The following CACNB2 variants were observed in gnomAD, a reference collection of about 807,000 sequenced individuals.
The protein encoded by CACNB2 is voltage-dependent L-type calcium channel subunit beta-2.
A neutral mutation model predicts 73.3 loss-of-function variants in CACNB2; 42 were observed. The observed-to-expected ratio is 0.57, with a 90% CI of 0.45 to 0.74. The LOEUF (loss-of-function observed/expected upper bound fraction) is 0.74. Ranked by LOEUF, CACNB2 falls within the 30% of genes least tolerant of loss-of-function variation. CACNB2 has a pLI of 0.00. For missense variants in CACNB2, 940 were observed against 853.0 expected (o/e 1.10, Z -1.27); for synonymous variants, 348 against 310.3 (o/e 1.12, Z -1.28).
intron 3 of CACNB2, among the ~76,000 whole-genome samples, chr10:18,411,295 C>CT (rs1216083874): frequency 1.3e-5 from 2 of 152,148 alleles, no homozygotes; most frequent in Non-Finnish European, 2.9e-5. Flanking sequence ...CGCTGGACCT[C>CT]TGTTAGGCTT....
At chr10:18,362,263 C>T (rs2042173210) in intron 2 of CACNB2, among the ~76,000 whole-genome samples, 1 of 152,156 alleles carries the variant, frequency 6.6e-6, no homozygotes, top group African/African-American at 2.4e-5. Context: ...CTTATTAAAA[C>T]ATTTTCAACT....
At chr10:18,171,407 G>A (rs71491145) in intron 2 of CACNB2, among the ~76,000 whole-genome samples, 10,049 of 144,126 alleles carry the variant, frequency 0.07, 439 homozygotes, top group South Asian at 0.12. Flanking sequence ...TGCCTGGACT[G>A]TGTCTCCCCC....
intron 2 of CACNB2, among the ~76,000 whole-genome samples, chr10:18,271,741 T>C (rs541402154): frequency 2.0e-5 from 3 of 152,316 alleles, no homozygotes; most frequent in East Asian, 1.9e-4. Context: ...CTGTTTCCCA[T>C]TGAGCCAGAC....
At chr10:18,402,580 T>A (rs906518930) in intron 3 of CACNB2, among the ~76,000 whole-genome samples, 4 of 152,234 alleles carry the variant, frequency 2.6e-5, no homozygotes, top group African/African-American at 9.6e-5. Flanking sequence ...TCTTAGAACA[T>A]GTTCTTCTCC....
chr10:18,432,186 A>G (rs981251031), intron 3 of CACNB2, among the ~76,000 whole-genome samples: 8 of 152,236 alleles, frequency 5.3e-5, no homozygotes, highest in Non-Finnish European at 7.3e-5. Flanking sequence ...GCTATTCACT[A>G]AGATTTTTCC....
intron 2 of CACNB2, among the ~76,000 whole-genome samples, chr10:18,211,154 A>G (rs1015681453): frequency 6.6e-6 from 1 of 152,164 alleles, no homozygotes; most frequent in African/African-American, 2.4e-5. Flanking sequence ...CAGTAAGTTG[A>G]TTTGAAGGAG....
At chr10:18,357,288 C>G (rs1434096568) in intron 2 of CACNB2, among the ~76,000 whole-genome samples, 1 of 152,088 alleles carries the variant, frequency 6.6e-6, no homozygotes, top group Non-Finnish European at 1.5e-5. Context: ...CCTTTATCAT[C>G]CTGAAGTGAA....
chr10:18,170,292 A>AGAAT (rs1443318731), intron 2 of CACNB2, among the ~76,000 whole-genome samples: 3 of 152,362 alleles, frequency 2.0e-5, no homozygotes, highest in Non-Finnish European at 2.9e-5. Flanking sequence ...TCCACTTTAC[A>AGAAT]GAATGAATGA....
At chr10:18,417,931 G>A (rs370802151) in intron 3 of CACNB2, among the ~76,000 whole-genome samples, 4 of 151,036 alleles carry the variant, frequency 2.6e-5, no homozygotes, top group East Asian at 1.9e-4. Context: ...GGAAAAAAAC[G>A]AAAGGAACAA....
In CACNB2 at chr10:18,207,873, G is replaced by C. The variant is rs552029956; in HGVS notation, c.213+56898G>C. ...AAAATAGTTTACAAATAAGTAAAAA[G>C]AATCATCGTTATGAAAAAGGAGTTA... On this transcript the variant is annotated intron_variant, in intron 2 of 13. Coordinates refer to ENST00000324631, the MANE Select transcript of CACNB2 (RefSeq NM_201596.3). Among the ~76,000 whole-genome samples the C allele has an allele frequency of 9.2e-5, 14 of 152,216 alleles. No homozygotes were observed. The East Asian group carries it at 2.7e-3, about 29-fold the overall frequency.
Position 18,413,784 on chromosome 10 carries a change from CT to C in CACNB2, c.333+11742del, listed in dbSNP as rs143446781. 5.4e-4 allele frequency among the ~76,000 whole-genome samples: 82 copies of C among 152,352 alleles called. No homozygotes were observed. The East Asian group carries it at 0.014, about 26-fold the overall frequency. Reference sequence around the variant, plus strand: ...GCCATTTGTAAAAGGACACTAACCTCTGTTTGACAGGATTCCAGTGATAATT... The same window carrying C: ...GCCATTTGTAAAAGGACACTAACCTCGTTTGACAGGATTCCAGTGATAATT... On this transcript the variant is annotated intron_variant, in intron 3 of 13. Coordinates refer to ENST00000324631, the MANE Select transcript of CACNB2 (RefSeq NM_201596.3).
At chr10:18,159,427 T>A (rs977015104) in intron 2 of CACNB2, among the ~76,000 whole-genome samples, 1 of 152,230 alleles carries the variant, frequency 6.6e-6, no homozygotes, top group African/African-American at 2.4e-5. Flanking sequence ...ACTTTGCAAC[T>A]GATCAGGGAT....
chr10:18,526,834 A>G (rs1373798723), intron 9 of CACNB2, among the ~76,000 whole-genome samples: 1 of 152,162 alleles, frequency 6.6e-6, no homozygotes, highest in Non-Finnish European at 1.5e-5. Context: ...TTTCATGCCT[A>G]TCACAGCAAT....
intron 2 of CACNB2, among the ~76,000 whole-genome samples, chr10:18,272,878 T>G (rs1213132306): frequency 1.3e-5 from 2 of 152,134 alleles, no homozygotes; most frequent in Non-Finnish European, 2.9e-5. Flanking sequence ...AGCTTCTTAG[T>G]GTGTACTTTG....
intron 4 of CACNB2, 121 bp from the exon 5 acceptor site, chr10:18,500,691 G>A: frequency 2.0e-6 from 2 of 1,001,760 alleles, no homozygotes; most frequent in South Asian, 2.6e-5. Flanking sequence ...TTTCTTGAAT[G>A]ATAATATTTA....
intron 12 of CACNB2, 58 bp from the exon 13 acceptor site, chr10:18,538,122 G>C: frequency 6.5e-7 from 1 of 1,531,202 alleles, no homozygotes; most frequent in Non-Finnish European, 9.0e-7. Flanking sequence ...TTATGGAGGT[G>C]GGAAGGGGGT....
In CACNB2 at chr10:18,539,602, T is replaced by C; in HGVS notation, c.1861T>C (p.Cys621Arg). The change falls in exon 14 of 14, where the codon TGC becomes CGC. Residue 621 changes from cysteine (C) to arginine (R), a missense_variant. Transcript: ENST00000324631. ...DVDREQDHNE[C>R]NKQRSRHKSK... ...GGATCGAGAGCAGGACCACAACGAGTGCAACAAGCAGCGCAGCCGTCATAA... is the reference window on the plus strand; with the variant it reads ...GGATCGAGAGCAGGACCACAACGAGCGCAACAAGCAGCGCAGCCGTCATAA... 1.9e-6 allele frequency: 3 copies of C among 1,611,834 alleles called. No individual in the cohort carries two copies. The highest frequency in any genetic ancestry group is 2.5e-6 in the Non-Finnish European group (3 of 1,179,530).
At chr10:18,346,850 G>A (rs2132107832) in intron 2 of CACNB2, among the ~76,000 whole-genome samples, 1 of 151,934 alleles carries the variant, frequency 6.6e-6, no homozygotes, top group African/African-American at 2.4e-5. Context: ...ACCCTCCTTG[G>A]CCTCCCAAAG....
intron 3 of CACNB2, among the ~76,000 whole-genome samples, chr10:18,488,739 T>C (rs2049224568): frequency 6.6e-6 from 1 of 152,072 alleles, no homozygotes; most frequent in Non-Finnish European, 1.5e-5. Flanking sequence ...AAATTTCACA[T>C]AAACATGTAA....
Sources: allele counts gnomAD v4.1 joint callset (sites outside exome capture counted in the v4.1 genomes callset), GRCh38; gene constraint gnomAD v4.1.1; transcripts MANE v1.5; gene names NCBI Gene and HGNC (gene_info 2026-07-23, HGNC 2026-07-21).